GAREM2: variants seen among roughly 807,000 people sequenced by gnomAD.
GAREM2 encodes the protein GRB2-associated and regulator of MAPK protein 2.
GAREM2 carries 30 observed loss-of-function variants against 55.6 expected under a neutral mutation model. That is an observed-to-expected ratio of 0.54 (90% CI 0.40 to 0.73). The LOEUF is 0.73. GAREM2 is among the 30% of genes least tolerant of loss of function. GAREM2 has a pLI of 0.00. For synonymous variants in GAREM2, 550 were observed against 569.1 expected (o/e 0.97, Z 0.48); for missense variants, 1,075 against 1,257.7 (o/e 0.85, Z 2.20).
chr2:26,195,057 CAA>C, the GAREM2 span: 1 of 1,588,782 alleles, frequency 6.3e-7, no homozygotes, highest in East Asian at 2.2e-5. Flanking sequence ...TAGAACTTTT[CAA>C]AAACTCTGCA....
the GAREM2 span, among the ~76,000 whole-genome samples, chr2:26,200,035 C>T: frequency 6.6e-6 from 1 of 152,206 alleles, no homozygotes; most frequent in Non-Finnish European, 1.5e-5. Context: ...GAGGAAGATA[C>T]TAGAGAGGAC....
At chr2:26,182,290 C>T in intron 2 of GAREM2, 1 of 1,439,810 alleles carries the variant, frequency 6.9e-7, no homozygotes, top group Non-Finnish European at 9.1e-7. Context: ...AAGGCCTACT[C>T]TCAGGGAGGT....
chr2:26,202,201 A>G, the GAREM2 span, among the ~76,000 whole-genome samples: 1 of 152,150 alleles, frequency 6.6e-6, no homozygotes, highest in African/African-American at 2.4e-5. Flanking sequence ...GATTACATAA[A>G]ATATTAACTC....
chr2:26,198,886 C>T, the GAREM2 span, among the ~76,000 whole-genome samples: 1 of 151,030 alleles, frequency 6.6e-6, no homozygotes, highest in Non-Finnish European at 1.5e-5. Context: ...CCTATATCTA[C>T]AAAACATAAC....
downstream of GAREM2, among the ~76,000 whole-genome samples, chr2:26,190,297 C>T (rs1156588331): frequency 1.3e-5 from 2 of 151,968 alleles, no homozygotes; most frequent in Non-Finnish European, 2.9e-5. Context: ...ACACACTCAG[C>T]GTGGATCCTT....
At chr2:26,204,072 CT>C in the GAREM2 span, 1 of 1,614,060 alleles carries the variant, frequency 6.2e-7, no homozygotes, top group Non-Finnish European at 8.5e-7. Context: ...CCTTTGAACA[CT>C]TGTTGCTGTC....
chr2:26,177,874 G>T (rs992625436), intron 2 of GAREM2, among the ~76,000 whole-genome samples: 1 of 152,166 alleles, frequency 6.6e-6, no homozygotes, highest in Non-Finnish European at 1.5e-5. Flanking sequence ...TGATCCGGCC[G>T]CCTTGGCCTC....
chr2:26,202,516 G>A, the GAREM2 span, among the ~76,000 whole-genome samples: 5 of 152,168 alleles, frequency 3.3e-5, no homozygotes, highest in Admixed American at 6.5e-5. Flanking sequence ...TGCAGCAGGC[G>A]GATCACTTGA....
chr2:26,175,794 G>A (rs1182899672), intron 1 of GAREM2, among the ~76,000 whole-genome samples: 3 of 152,160 alleles, frequency 2.0e-5, no homozygotes, highest in South Asian at 2.1e-4. Context: ...AGTCCCGTCC[G>A]GGCCCTCTCC....
chr2:26,188,179 G>A lies in GAREM2; in HGVS notation c.2547G>A (p.Leu849=). The A allele has an allele frequency of 1.2e-5, 18 of 1,546,772 alleles. No homozygotes were observed. Among genetic ancestry groups the A allele is most frequent in the Non-Finnish European group, 1.6e-5 (18 of 1,144,144 alleles). Residue 849 remains leucine (L), a synonymous_variant, in exon 6 of 6, where the codon CTG becomes CTA. Transcript: ENST00000401533. ...SIFVQLSEDI[L]ADDFHLTKLQ... Reference sequence around the variant, plus strand: ...TTGTGCAGCTCAGTGAGGACATCCTGGCAGATGACTTCCACCTCACCAAGC... The same window carrying A: ...TTGTGCAGCTCAGTGAGGACATCCTAGCAGATGACTTCCACCTCACCAAGC...
the GAREM2 span, among the ~76,000 whole-genome samples, chr2:26,199,629 T>A: frequency 6.6e-6 from 1 of 152,228 alleles, no homozygotes; most frequent in Non-Finnish European, 1.5e-5. Flanking sequence ...GTGACTTGTT[T>A]TTATCAACAC....
At chr2:26,197,569 G>A in the GAREM2 span, 3 of 723,940 alleles carry the variant, frequency 4.1e-6, no homozygotes, top group East Asian at 2.5e-5. Flanking sequence ...TGTGTCCAGT[G>A]TTTAGGAACC....
chr2:26,197,777 C>T, the GAREM2 span: 1 of 1,453,032 alleles, frequency 6.9e-7, no homozygotes, highest in Non-Finnish European at 9.7e-7. Context: ...TCTGGAATCA[C>T]CTGCAGGGGA....
chr2:26,194,636 A>G (rs754912288), downstream of GAREM2: 5 of 1,605,558 alleles, frequency 3.1e-6, no homozygotes, highest in Non-Finnish European at 4.3e-6. Flanking sequence ...AGCCAGGTCC[A>G]TCCTGCCAAG....
In GAREM2 at chr2:26,182,147, C is replaced by G. The variant is rs2384360; in HGVS notation, c.254-820C>G. ...ATGTGGGTATGCATATAACAGGTGT[C>G]TGGCCAGTGAGGTGAGAGAGCTTAC... is the stretch of plus-strand genomic sequence containing the variant. On this transcript the variant is annotated intron_variant, in intron 2 of 5. Transcript: ENST00000401533. The G allele has an allele frequency of 0.8, 1,004,720 of 1,260,182 alleles. 402,243 individuals carry two copies. The highest frequency in any genetic ancestry group is 0.95 in the African/African-American group (62,612 of 65,994). The allele number at this position is 1,260,182 out of a possible 1,614,324, so 78.1% of individuals were successfully genotyped here. A position where few individuals can be genotyped will look rare whatever the true frequency, so the allele number is the denominator to read the frequency against.
At chr2:26,190,116 GC>G (rs1669445714), downstream of GAREM2, among the ~76,000 whole-genome samples, 1 of 152,182 alleles carries the variant, frequency 6.6e-6, no homozygotes, top group Non-Finnish European at 1.5e-5. Context: ...TTAGAGTCTG[GC>G]TTCCTAGTGA....
Position 26,188,114 on chromosome 2 carries a change from G to T in GAREM2, c.2482G>T (p.Val828Leu). 6.4e-7 allele frequency: 1 copy of T among 1,551,396 alleles called. No individual in the cohort carries two copies. The highest frequency in any genetic ancestry group is 8.7e-7 in the Non-Finnish European group (1 of 1,146,766). Residue 828 changes from valine to leucine, a missense_variant, in exon 6 of 6, where the codon GTG (valine) becomes TTG (leucine). Coordinates refer to ENST00000401533, the MANE Select transcript of GAREM2 (RefSeq NM_001168241.2). Reference protein sequence around the residue: ...LRFIGLSEDVVSFFARERIDG... With the variant: ...LRFIGLSEDVLSFFARERIDG... ...TTTCATCGGGCTCTCAGAGGATGTG[G>T]TGAGCTTCTTTGCCCGAGAACGCAT...
chr2:26,198,207 C>G, the GAREM2 span, among the ~76,000 whole-genome samples: 6 of 152,118 alleles, frequency 3.9e-5, no homozygotes, highest in African/African-American at 1.4e-4. Flanking sequence ...CCAAAATGTG[C>G]ATGCTTGTCT....
At chr2:26,182,649 G>A (rs1428806608) in intron 2 of GAREM2, among the ~76,000 whole-genome samples, 6 of 152,246 alleles carry the variant, frequency 3.9e-5, no homozygotes, top group Non-Finnish European at 8.8e-5. Flanking sequence ...GAGGCCAGCT[G>A]TGTCCACATG....
Sources: allele counts gnomAD v4.1 joint callset (sites outside exome capture counted in the v4.1 genomes callset), GRCh38; gene constraint gnomAD v4.1.1; transcripts MANE v1.5; gene names NCBI Gene and HGNC (gene_info 2026-07-23, HGNC 2026-07-21).